The following NOCT variants were observed in gnomAD, a reference collection of about 807,000 sequenced individuals.
NOCT encodes the protein nocturnin, also known as CCR4 carbon catabolite repression 4-like.
In NOCT, 18 loss-of-function variants were observed where a neutral mutation model predicts 35.0. That is an observed-to-expected ratio of 0.51 (90% CI 0.36 to 0.76). The LOEUF (loss-of-function observed/expected upper bound fraction) is 0.76. Among genes scored for constraint, NOCT ranks in the 30% least tolerant of loss-of-function variants. The probability of loss-of-function intolerance (pLI) is 0.01; values close to 1 mark genes in which losing one functional copy is unlikely to be tolerated. For missense variants in NOCT, 479 were observed against 541.0 expected (o/e 0.89, Z 1.14); for synonymous variants, 235 against 226.3 (o/e 1.04, Z -0.34).
rs1305499070 is a variant in NOCT at position 139,045,245 on chromosome 4, A to G, written c.1067A>G (p.Gln356Arg). ...SAYKLLSADGQSEPPYTTWKI... is the reference protein window; with the variant it reads ...SAYKLLSADGRSEPPYTTWKI... ...TACAAGCTGCTGAGTGCTGATGGGC[A>G]GTCAGAACCCCCATACACTACCTGG... Residue 356 changes from glutamine (Q) to arginine (R), a missense_variant, in exon 3 of 3, where the codon CAG (glutamine) becomes CGG (arginine). Around this residue, in one of 2 missense-constraint regions of NOCT, gnomAD observed 214 missense variants for 284.0 expected, o/e 0.75. Coordinates refer to ENST00000280614, the MANE Select transcript of NOCT (RefSeq NM_012118.4). 2.5e-6 allele frequency: 4 copies of G among 1,614,084 alleles called. No individual in the cohort carries two copies. The highest frequency in any genetic ancestry group is 2.5e-6 in the Non-Finnish European group (3 of 1,180,042).
chr4:139,027,704 T>G (rs1003716811), intron 1 of NOCT, among the ~76,000 whole-genome samples: 1 of 152,098 alleles, frequency 6.6e-6, no homozygotes, highest in Admixed American at 6.6e-5. Context: ...TTCACTGTGT[T>G]AGCCAGGATG....
At chr4:139,033,914 G>A (rs1158088586) in intron 1 of NOCT, among the ~76,000 whole-genome samples, 3 of 151,746 alleles carry the variant, frequency 2.0e-5, no homozygotes, top group African/African-American at 7.3e-5. Flanking sequence ...ATCTAGATAC[G>A]GATCTCTCTG....
chr4:139,042,415 G>C (rs1410476021), intron 1 of NOCT, among the ~76,000 whole-genome samples: 2 of 152,098 alleles, frequency 1.3e-5, no homozygotes, highest in African/African-American at 4.8e-5. Context: ...TGTAGATTTT[G>C]TTAAGCCTTG....
At position 139,045,294 on chromosome 4, in the gene NOCT, C is replaced by T; in HGVS notation, c.1116C>T (p.Cys372=). ...GGAAGATCCGGACCTCAGGGGAGTGCAGGCACACCCTGGATTACATCTGGT... is the reference window on the plus strand; with the variant it reads ...GGAAGATCCGGACCTCAGGGGAGTGTAGGCACACCCTGGATTACATCTGGT... ...TTWKIRTSGE[C]RHTLDYIWYS... Residue 372 remains cysteine, a synonymous_variant, in exon 3 of 3, where the codon TGC becomes TGT. Transcript: ENST00000280614. The T allele has an allele frequency of 6.2e-7, 1 of 1,614,116 alleles. No individual in the cohort carries two copies. The highest frequency in any genetic ancestry group is 1.1e-5 in the South Asian group (1 of 91,082).
chr4:139,031,171 A>C (rs1428967905), intron 1 of NOCT, among the ~76,000 whole-genome samples: 1 of 148,698 alleles, frequency 6.7e-6, no homozygotes, highest in Non-Finnish European at 1.5e-5. Context: ...TTTTTTTGAG[A>C]TGGAGTCTCG....
chr4:139,042,071 C>CT (rs368776726), intron 1 of NOCT, among the ~76,000 whole-genome samples: 7,527 of 108,676 alleles, frequency 0.069, 717 homozygotes, highest in South Asian at 0.15. Context: ...TCTTTAAGAT[C>CT]TTTTTTTTTT....
At chr4:139,039,187 A>AAAAAAAAAAAAAAAAAAAAAAAG (rs1726791406) in intron 1 of NOCT, among the ~76,000 whole-genome samples, 1 of 151,050 alleles carries the variant, frequency 6.6e-6, no homozygotes, top group African/African-American at 2.4e-5. Flanking sequence ...AAAAAAAAAA[A>AAAAAAAAAAAAAAAAAAAAAAAG]GCCATTCTTA....
chr4:139,040,575 C>G (rs1726818644), intron 1 of NOCT, among the ~76,000 whole-genome samples: 2 of 152,144 alleles, frequency 1.3e-5, no homozygotes, highest in Admixed American at 6.5e-5. Context: ...TCTGCACATT[C>G]ATTTTTGCAT....
chr4:139,028,381 C>T (rs1726561670), intron 1 of NOCT: 1 of 152,278 alleles, frequency 6.6e-6, no homozygotes, highest in South Asian at 2.1e-4. Flanking sequence ...GATTGTCACA[C>T]TCAGTCTAGG....
rs185270063 is a variant in NOCT at position 139,034,224 on chromosome 4, A to T, written c.191-8850A>T. On this transcript the variant is annotated intron_variant, in intron 1 of 2. Transcript: ENST00000280614. Reference sequence around the variant, plus strand: ...CCCTGGAACAGCACTGTGTCTCCCCACCCCCCACCTTATTGGTATTAATCC... The same window carrying T: ...CCCTGGAACAGCACTGTGTCTCCCCTCCCCCCACCTTATTGGTATTAATCC... Among the ~76,000 whole-genome samples, 395 of 150,238 alleles carry T rather than the reference A, an allele frequency of 2.6e-3. 1 individual carries two copies. Among genetic ancestry groups the T allele is most frequent in the African/African-American group, 9.2e-3 (376 of 40,690 alleles).
At chr4:139,036,972 A>G (rs1466986232) in intron 1 of NOCT, among the ~76,000 whole-genome samples, 1 of 152,204 alleles carries the variant, frequency 6.6e-6, no homozygotes, top group Non-Finnish European at 1.5e-5. Flanking sequence ...ACGAGGGTGG[A>G]TAAGTGGAAA....
chr4:139,023,109 AAAAG>A (rs1726445180), intron 1 of NOCT, among the ~76,000 whole-genome samples: 1 of 152,200 alleles, frequency 6.6e-6, no homozygotes, highest in Admixed American at 6.6e-5. Flanking sequence ...TCAAAAAAAA[AAAAG>A]AAGTTATGAT....
chr4:139,031,791 C>T (rs1396342334), intron 1 of NOCT, among the ~76,000 whole-genome samples: 1 of 152,052 alleles, frequency 6.6e-6, no homozygotes, highest in Non-Finnish European at 1.5e-5. Flanking sequence ...CAGCTCACTG[C>T]AACCTCTGCC....
Position 139,045,178 on chromosome 4 carries a change from TACAA to T in NOCT, c.1004_1007del (p.Lys335ThrfsTer9). On this transcript the variant is annotated frameshift_variant, in exon 3 of 3. Coordinates refer to ENST00000280614, the MANE Select transcript of NOCT (RefSeq NM_012118.4). LOFTEE classifies it high-confidence loss of function. ...CAATGCAGAGCCAACAGAAGAGGTC[TACAA>T]ACACTTTGCTTCCTCCAGCCTCAAC... The T allele has an allele frequency of 1.2e-6, 2 of 1,614,186 alleles. No individual in the cohort carries two copies. The highest frequency in any genetic ancestry group is 1.7e-6 in the Non-Finnish European group (2 of 1,180,030).
chr4:139,038,039 A>C (rs577089540), intron 1 of NOCT, among the ~76,000 whole-genome samples: 1 of 152,202 alleles, frequency 6.6e-6, no homozygotes. Flanking sequence ...GTCTGTACTA[A>C]AAATACAAAA....
At chr4:139,017,356 A>C (rs1236924630) in intron 1 of NOCT, among the ~76,000 whole-genome samples, 1 of 147,718 alleles carries the variant, frequency 6.8e-6, no homozygotes, top group Non-Finnish European at 1.5e-5. Context: ...ACCTCCCGAG[A>C]AGCTGGGATT....
At chr4:139,021,105 G>C (rs922579341) in intron 1 of NOCT, among the ~76,000 whole-genome samples, 1 of 151,308 alleles carries the variant, frequency 6.6e-6, no homozygotes, top group East Asian at 1.9e-4. Context: ...TTTGAGCTTG[G>C]GGCCTAAGGC....
chr4:139,043,356 C>G lies in NOCT; in HGVS notation c.460+13C>G. On this transcript the variant is annotated intron_variant, in intron 2 of 2. Transcript: ENST00000280614. Reference sequence around the variant, plus strand: ...ATCCTCGCCCAAGGTATGCTGGATGCTTTTGTGCCTCTGCAGTCAAGTTTG... The same window carrying G: ...ATCCTCGCCCAAGGTATGCTGGATGGTTTTGTGCCTCTGCAGTCAAGTTTG... 1.2e-6 allele frequency: 2 copies of G among 1,608,104 alleles called. No homozygotes were observed. Among genetic ancestry groups the G allele is most frequent in the Non-Finnish European group, 1.7e-6 (2 of 1,175,084 alleles).
At chr4:139,028,609 A>G (rs1726568026) in intron 1 of NOCT, among the ~76,000 whole-genome samples, 1 of 152,216 alleles carries the variant, frequency 6.6e-6, no homozygotes. Flanking sequence ...GGGGCTAGGC[A>G]GGACAGCTGC....
Sources: gnomAD v4.1 joint callset for allele counts (sites outside exome capture counted in the v4.1 genomes callset) on GRCh38, gnomAD v4.1.1 for gene constraint, gnomAD v4.1.1 regional missense constraint, MANE v1.5 for transcripts, NCBI Gene and HGNC (gene_info 2026-07-23, HGNC 2026-07-21) for gene names.